Variants in UNC13C observed in about 807,000 individuals in gnomAD.
The protein encoded by UNC13C is protein unc-13 homolog C.
Under a neutral mutation model 245.4 loss-of-function variants are expected in UNC13C, and 174 were observed. The ratio of observed to expected loss-of-function variants is 0.71; its 90% CI spans 0.63 to 0.80. The LOEUF (loss-of-function observed/expected upper bound fraction) is 0.80. UNC13C is among the 30% of genes least tolerant of loss of function. The pLI, the probability that UNC13C is intolerant of heterozygous loss-of-function variation, is 0.00. For synonymous variants in UNC13C, 992 were observed against 895.1 expected, an observed-to-expected ratio of 1.11 and a Z score of -1.93; for missense variants, 2,829 against 2,602.9, an observed-to-expected ratio of 1.09 and a Z score of -1.89.
chr15:54,458,640 A>G (rs1306783364), intron 19 of UNC13C, among the ~76,000 whole-genome samples: 1 of 139,148 alleles, frequency 7.2e-6, no homozygotes, highest in Non-Finnish European at 1.5e-5. Context: ...TCATTATAGA[A>G]TGTCCCTCTG....
At chr15:54,019,404 G>C (rs1161222825) in intron 2 of UNC13C, among the ~76,000 whole-genome samples, 1 of 152,174 alleles carries the variant, frequency 6.6e-6, no homozygotes, top group Non-Finnish European at 1.5e-5. Flanking sequence ...AAGTTTCTGG[G>C]ACTCTCAGGT....
At chr15:54,157,433 A>G (rs1017324620) in intron 4 of UNC13C, among the ~76,000 whole-genome samples, 5 of 152,184 alleles carry the variant, frequency 3.3e-5, no homozygotes, top group Admixed American at 1.3e-4. Context: ...TTTCAAATCT[A>G]GCACACATAG....
chr15:54,123,013 G>A (rs1203856991), intron 2 of UNC13C, among the ~76,000 whole-genome samples: 1 of 151,982 alleles, frequency 6.6e-6, no homozygotes, highest in African/African-American at 2.4e-5. Context: ...AAATTTTTAA[G>A]TAATAGCTAC....
downstream of UNC13C, chr15:54,629,316 G>T (rs1229041288): frequency 1.3e-5 from 2 of 152,052 alleles, no homozygotes; most frequent in Non-Finnish European, 2.9e-5. Context: ...ATAAGAAAAA[G>T]TATCTGTCAC....
intron 30 of UNC13C, among the ~76,000 whole-genome samples, chr15:54,614,710 G>A (rs964305344): frequency 2.6e-5 from 4 of 151,882 alleles, no homozygotes; most frequent in Non-Finnish European, 4.4e-5. Flanking sequence ...AAAATACAGG[G>A]CTGCCAGAAT....
intron 10 of UNC13C, among the ~76,000 whole-genome samples, chr15:54,292,040 C>T (rs183365980): frequency 3.6e-4 from 54 of 152,066 alleles, no homozygotes; most frequent in African/African-American, 1.2e-3. Flanking sequence ...ATAAATACTA[C>T]AGTTCAAATA....
chr15:54,372,206 TA>T (rs1567222100), intron 17 of UNC13C, among the ~76,000 whole-genome samples: 1 of 152,094 alleles, frequency 6.6e-6, no homozygotes, highest in Non-Finnish European at 1.5e-5. Flanking sequence ...TTGTGTACCA[TA>T]AATGCATACA....
the UNC13C span, among the ~76,000 whole-genome samples, chr15:53,895,835 C>T: frequency 6.6e-6 from 1 of 152,030 alleles, no homozygotes; most frequent in African/African-American, 2.4e-5. Flanking sequence ...TGAACTAAGA[C>T]TAACATTAAT....
chr15:53,903,166 T>G, the UNC13C span, among the ~76,000 whole-genome samples: 1 of 152,238 alleles, frequency 6.6e-6, no homozygotes, highest in Non-Finnish European at 1.5e-5. Context: ...CATATAGATA[T>G]TTGTCTCCAT....
intron 2 of UNC13C, among the ~76,000 whole-genome samples, chr15:54,116,276 A>T (rs1275672058): frequency 6.6e-6 from 1 of 152,142 alleles, no homozygotes; most frequent in African/African-American, 2.4e-5. Context: ...TATGCTACAA[A>T]CATTTGAAAT....
intron 1 of UNC13C, among the ~76,000 whole-genome samples, chr15:54,000,659 A>G (rs1218579147): frequency 6.6e-6 from 1 of 152,154 alleles, no homozygotes; most frequent in Non-Finnish European, 1.5e-5. Context: ...GCTTTTAAGG[A>G]TGTTCTTTTG....
chr15:54,557,961 A>G (rs1049403667), intron 29 of UNC13C, among the ~76,000 whole-genome samples: 1 of 152,036 alleles, frequency 6.6e-6, no homozygotes, highest in South Asian at 2.1e-4. Flanking sequence ...AGGGACATGG[A>G]TGAAATTGGA....
intron 4 of UNC13C, among the ~76,000 whole-genome samples, chr15:54,183,433 T>C (rs1173732844): frequency 1.3e-5 from 2 of 151,590 alleles, no homozygotes; most frequent in Admixed American, 6.6e-5. Flanking sequence ...CAACTTGTCT[T>C]TGCAAAGCAA....
At chr15:53,923,968 A>G in the UNC13C span, among the ~76,000 whole-genome samples, 4 of 152,206 alleles carry the variant, frequency 2.6e-5, no homozygotes. Context: ...GCACTTTGGG[A>G]GGCTGAGGAA....
intron 4 of UNC13C, among the ~76,000 whole-genome samples, chr15:54,172,337 G>C (rs941267995): frequency 6.6e-6 from 1 of 151,844 alleles, no homozygotes; most frequent in Non-Finnish European, 1.5e-5. Context: ...ATTATGTATT[G>C]CATGCCTGTG....
chr15:54,138,953 A>ATTTTTTATTTTTTTTT (rs2031872676), intron 2 of UNC13C, among the ~76,000 whole-genome samples: 1 of 48,632 alleles, frequency 2.1e-5, no homozygotes, highest in Admixed American at 4.1e-4. Flanking sequence ...ATTTCCCCTA[A>ATTTTTTATTTTTTTTT]TTTTTTTTTT....
chr15:54,011,805 C>A (rs1449800527), intron 1 of UNC13C, among the ~76,000 whole-genome samples: 1 of 152,126 alleles, frequency 6.6e-6, no homozygotes, highest in East Asian at 1.9e-4. Flanking sequence ...GAACATGTAT[C>A]CCCAAATCCC....
chr15:53,911,847 A>G, the UNC13C span: 1 of 152,234 alleles, frequency 6.6e-6, no homozygotes, highest in African/African-American at 2.4e-5. Context: ...TACCTCCCCT[A>G]TGAGGGATCT....
At chr15:53,877,587 GA>G in the UNC13C span, among the ~76,000 whole-genome samples, 5 of 152,016 alleles carry the variant, frequency 3.3e-5, no homozygotes, top group African/African-American at 1.2e-4. Context: ...GAGAGAGAGA[GA>G]AGGAGAATAG....
Sources: gnomAD v4.1 joint callset for allele counts (sites outside exome capture counted in the v4.1 genomes callset) on GRCh38, gnomAD v4.1.1 for gene constraint, MANE v1.5 for transcripts, NCBI Gene and HGNC (gene_info 2026-07-23, HGNC 2026-07-21) for gene names.